The following MCF2L2 variants were observed in gnomAD, a reference collection of about 807,000 sequenced individuals.
MCF2L2 encodes the protein probable guanine nucleotide exchange factor MCF2L2.
MCF2L2 carries 102 observed loss-of-function variants against 150.2 expected under a neutral mutation model. That is an observed-to-expected ratio of 0.68 (90% confidence interval 0.58 to 0.80). The LOEUF is 0.80. Ranked by LOEUF, MCF2L2 falls within the 30% of genes least tolerant of loss-of-function variation. MCF2L2 has a pLI of 0.00. For synonymous variants in MCF2L2, 465 were observed against 491.3 expected, an observed-to-expected ratio of 0.95 and a Z score of 0.71; for missense variants, 1,256 against 1,372.8, an observed-to-expected ratio of 0.91 and a Z score of 1.34.
chr3:183,240,814 A>G (rs752269809), intron 15 of MCF2L2, among the ~76,000 whole-genome samples: 1 of 152,234 alleles, frequency 6.6e-6, no homozygotes, highest in African/African-American at 2.4e-5. Flanking sequence ...CTGTTAAGCC[A>G]GTGTTATCGC....
chr3:183,335,232 T>C (rs555116175), intron 5 of MCF2L2, among the ~76,000 whole-genome samples: 1 of 152,072 alleles, frequency 6.6e-6, no homozygotes, highest in African/African-American at 2.4e-5. Flanking sequence ...GAGTAGATCT[T>C]CTACATATAT....
At chr3:183,356,954 G>T (rs1367160918) in intron 3 of MCF2L2, among the ~76,000 whole-genome samples, 3 of 152,170 alleles carry the variant, frequency 2.0e-5, no homozygotes, top group African/African-American at 7.2e-5. Context: ...ATAGTTCTCA[G>T]AAATTAAACA....
At chr3:183,292,602 C>T (rs1037385639) in intron 13 of MCF2L2, among the ~76,000 whole-genome samples, 2 of 151,704 alleles carry the variant, frequency 1.3e-5, no homozygotes, top group African/African-American at 4.8e-5. Flanking sequence ...CACACACACA[C>T]GTATGTATTT....
At chr3:183,319,541 C>CTGATGGTATATGAGGAATCTCTGA (rs139494922) in intron 6 of MCF2L2, among the ~76,000 whole-genome samples, 3,702 of 152,336 alleles carry the variant, frequency 0.024, 159 homozygotes, top group African/African-American at 0.085. Context: ...AGAGGAATCA[C>CTGATGGTATATGAGGAATCTCTGA]TATCTATGGC....
chr3:183,310,645 A>G (rs1185572200), intron 9 of MCF2L2: 1 of 361,742 alleles, frequency 2.8e-6, no homozygotes, highest in Admixed American at 4.5e-5. Flanking sequence ...CCGGAGTGAC[A>G]GAGCAAGACC....
rs1722549843 is a variant in MCF2L2, at chr3:183,207,759, T to C, written c.2561A>G (p.Lys854Arg). 6.2e-7 allele frequency: 1 copy of C among 1,614,120 alleles called. No homozygotes were observed. The highest frequency in any genetic ancestry group is 1.7e-5 in the Admixed American group (1 of 60,008). ...CAAATCCTTCATTTTATAACGATCCTTGTGAATTGTCCAGACGCTGAAAGG... is the reference window on the plus strand; with the variant it reads ...CAAATCCTTCATTTTATAACGATCCCTGTGAATTGTCCAGACGCTGAAAGG... ...HGPFSVWTIH[K>R]DRYKMKDLIR... The change falls in exon 23 of 30, where the codon AAG (lysine) becomes AGG (arginine). Residue 854 changes from lysine to arginine, a missense_variant. By Grantham distance (26) the Lys-to-Arg change is conservative. Transcript: ENST00000328913.
chr3:183,242,564 T>A (rs1366857551), intron 15 of MCF2L2, among the ~76,000 whole-genome samples: 3 of 152,150 alleles, frequency 2.0e-5, no homozygotes, highest in African/African-American at 7.2e-5. Context: ...GTTGGGCCTG[T>A]GGGTTCACAG....
chr3:183,331,800 T>C (rs1248951788), intron 5 of MCF2L2, among the ~76,000 whole-genome samples: 1 of 152,170 alleles, frequency 6.6e-6, no homozygotes, highest in East Asian at 1.9e-4. Context: ...GAGGCTGCAG[T>C]GAGTCCTGAT....
intron 5 of MCF2L2, among the ~76,000 whole-genome samples, chr3:183,325,913 A>G (rs1730005972): frequency 6.6e-6 from 1 of 152,256 alleles, no homozygotes; most frequent in Admixed American, 6.5e-5. Flanking sequence ...TGTAGAGTCA[A>G]AACAATTCCA....
chr3:183,262,811 C>T (rs542486149), intron 15 of MCF2L2, among the ~76,000 whole-genome samples: 1 of 152,176 alleles, frequency 6.6e-6, no homozygotes, highest in African/African-American at 2.4e-5. Context: ...GGAACAGTCA[C>T]GTAGCACTGA....
intron 15 of MCF2L2, among the ~76,000 whole-genome samples, chr3:183,242,504 G>A (rs1724074093): frequency 6.6e-6 from 1 of 152,238 alleles, no homozygotes; most frequent in Non-Finnish European, 1.5e-5. Context: ...TACAGCTCAG[G>A]CCATTGGTTC....
At chr3:183,424,265 C>T (rs1156492451) in intron 1 of MCF2L2, among the ~76,000 whole-genome samples, 2 of 152,092 alleles carry the variant, frequency 1.3e-5, no homozygotes, top group Admixed American at 6.5e-5. Flanking sequence ...ATGTGAACTG[C>T]ATATTTTATA....
chr3:183,249,939 A>G (rs6775173), intron 15 of MCF2L2, among the ~76,000 whole-genome samples: 19,048 of 152,202 alleles, frequency 0.13, 3,451 homozygotes, highest in African/African-American at 0.4. Context: ...AGTCTCTGAG[A>G]GACTCAGAGA....
At chr3:183,205,818 C>T in intron 25 of MCF2L2, 58 bp downstream of exon 25, 1 of 1,279,144 alleles carries the variant, frequency 7.8e-7, no homozygotes, top group Non-Finnish European at 1.1e-6. Context: ...TTTGCACATC[C>T]CCCACTGAGC....
chr3:183,217,339 G>T (rs560656435), intron 21 of MCF2L2, among the ~76,000 whole-genome samples: 2 of 150,160 alleles, frequency 1.3e-5, no homozygotes, highest in South Asian at 4.3e-4. Context: ...GGGTGTGGTG[G>T]TGTGTGCCTG....
intron 15 of MCF2L2, among the ~76,000 whole-genome samples, chr3:183,261,374 G>A (rs960264574): frequency 3.3e-5 from 5 of 152,194 alleles, no homozygotes; most frequent in African/African-American, 1.2e-4. Context: ...GCAGCATAAA[G>A]ATGGTACAGA....
intron 19 of MCF2L2, among the ~76,000 whole-genome samples, 161 bp from the exon 20 acceptor site, chr3:183,223,599 G>C (rs1723224862): frequency 6.6e-6 from 1 of 152,160 alleles, no homozygotes; most frequent in South Asian, 2.1e-4. Context: ...TTTCCCCTAG[G>C]AACAGTGTGT....
intron 3 of MCF2L2, among the ~76,000 whole-genome samples, chr3:183,352,035 A>T (rs1560035482): frequency 1.3e-5 from 2 of 152,208 alleles, no homozygotes; most frequent in Admixed American, 1.3e-4. Context: ...AGATATGATA[A>T]GATACAACCA....
chr3:183,254,412 T>TC lies in MCF2L2; in HGVS notation c.1862+22459dup, dbSNP rs550743651. Among the ~76,000 whole-genome samples, 658 of 151,756 alleles carry TC rather than the reference T, an allele frequency of 4.3e-3. 2 individuals carry two copies. The highest frequency in any genetic ancestry group is 0.015 in the African/African-American group (626 of 41,428). ...AAAGCGCGGCGGAGAAGGAGGCTCG[T>TC]CCCCTCCCCGGAACGCCTTTGTTCC... On this transcript the variant is annotated intron_variant, in intron 15 of 29. Coordinates refer to ENST00000328913, the MANE Select transcript of MCF2L2 (RefSeq NM_015078.4).
Sources: gnomAD v4.1 joint callset for allele counts (sites outside exome capture counted in the v4.1 genomes callset) on GRCh38, gnomAD v4.1.1 for gene constraint, MANE v1.5 for transcripts, NCBI Gene and HGNC (gene_info 2026-07-23, HGNC 2026-07-21) for gene names.